The following VAPB variants were observed in gnomAD, a reference collection of about 807,000 sequenced individuals.
VAPB encodes vesicle-associated membrane protein-associated protein B/C.
In VAPB, 7 loss-of-function variants were observed where a neutral mutation model predicts 25.6. The ratio of observed to expected loss-of-function variants is 0.27; its 90% CI spans 0.16 to 0.51. The LOEUF (loss-of-function observed/expected upper bound fraction) is 0.51, where lower values mean the gene tolerates loss of function less well. Ranked by LOEUF, VAPB falls within the 20% of genes least tolerant of loss-of-function variation. VAPB has a pLI of 0.97. For synonymous variants in VAPB, 112 were observed against 109.2 expected (o/e 1.03, Z -0.16); for missense variants, 266 against 301.3 (o/e 0.88, Z 0.87).
At chr20:58,408,165 C>CCT (rs2123039771) in intron 1 of VAPB, among the ~76,000 whole-genome samples, 1 of 152,120 alleles carries the variant, frequency 6.6e-6, no homozygotes, top group East Asian at 1.9e-4. Context: ...TTCTGGTGTG[C>CCT]CTTTGATGGC....
intron 1 of VAPB, among the ~76,000 whole-genome samples, chr20:58,395,339 A>G (rs543718376): frequency 6.6e-6 from 1 of 152,122 alleles, no homozygotes; most frequent in Admixed American, 6.5e-5. Flanking sequence ...TTTAATAGAG[A>G]CGGGGTTTCA....
chr20:58,416,363 C>T (rs1040952678), intron 1 of VAPB, among the ~76,000 whole-genome samples: 1 of 77,980 alleles, frequency 1.3e-5, no homozygotes, highest in Non-Finnish European at 2.8e-5. Flanking sequence ...AAGAAGAGGT[C>T]AGTGTAAGGA....
At chr20:58,421,251 C>G (rs1988660909) in intron 2 of VAPB, among the ~76,000 whole-genome samples, 1 of 152,146 alleles carries the variant, frequency 6.6e-6, no homozygotes. Flanking sequence ...ACAAATACTG[C>G]AGAATCAACA....
chr20:58,413,239 C>T (rs1988424892), intron 1 of VAPB, among the ~76,000 whole-genome samples: 1 of 148,968 alleles, frequency 6.7e-6, no homozygotes, highest in African/African-American at 2.5e-5. Context: ...GAGGGAAGGT[C>T]AGCAGATAAA....
chr20:58,449,526 A>G lies in VAPB; in HGVS notation c.*5291A>G, dbSNP rs1343149259. ...AAGGAAGAAAAGTGTAGCAACAAAAATGTAGCCATTATCTAACTTGCCATA... is the reference window on the plus strand; with the variant it reads ...AAGGAAGAAAAGTGTAGCAACAAAAGTGTAGCCATTATCTAACTTGCCATA... On this transcript the variant is annotated 3_prime_UTR_variant, in exon 6 of 6. Transcript: ENST00000475243. The G allele has an allele frequency of 4.4e-6, 2 of 453,988 alleles. No individual in the cohort carries two copies. Among genetic ancestry groups the G allele is most frequent in the Admixed American group, 2.3e-5 (1 of 42,554 alleles). The allele number at this position is 453,988 out of a possible 1,614,324, so 28.1% of individuals were successfully genotyped here. A position where few individuals can be genotyped will look rare whatever the true frequency, so the allele number is the denominator to read the frequency against.
chr20:58,441,629 T>A (rs577939663), intron 5 of VAPB, among the ~76,000 whole-genome samples: 1 of 152,164 alleles, frequency 6.6e-6, no homozygotes. Flanking sequence ...GTGACAGAGC[T>A]AGACTTCGTC....
chr20:58,447,835 C>T lies in VAPB; in HGVS notation c.*3600C>T, dbSNP rs1395686355. ...TCAGCTCCTTCTCTAAAGGAATGGCCCATTTCTCATTGTAGTTTGAGAAAT... is the reference window on the plus strand; with the variant it reads ...TCAGCTCCTTCTCTAAAGGAATGGCTCATTTCTCATTGTAGTTTGAGAAAT... On this transcript the variant is annotated 3_prime_UTR_variant, in exon 6 of 6. Transcript: ENST00000475243. The T allele has an allele frequency of 8.8e-6, 4 of 453,950 alleles. No individual in the cohort carries two copies. The highest frequency in any genetic ancestry group is 6.9e-4 in the Middle Eastern group (1 of 1,444). The allele number at this position is 453,950 out of a possible 1,614,324, so 28.1% of individuals were successfully genotyped here.
At chr20:58,433,923 G>C (rs1988982597) in intron 2 of VAPB, among the ~76,000 whole-genome samples, 1 of 152,130 alleles carries the variant, frequency 6.6e-6, no homozygotes. Context: ...TGTACTCTAG[G>C]AAGTAGGCTG....
At position 58,446,555 on chromosome 20, in the gene VAPB, T is replaced by A. The variant is rs181028077; in HGVS notation, c.*2320T>A. ...TTCTTAAAAAGAATATCTGAGAAAC[T>A]ACTCTGTTTTAGACCTTTGAAGGTG... is the stretch of plus-strand genomic sequence containing the variant. On this transcript the variant is annotated 3_prime_UTR_variant, in exon 6 of 6. Transcript: ENST00000475243. The A allele has an allele frequency of 6.5e-4, 294 of 454,086 alleles. No individual in the cohort carries two copies. Among genetic ancestry groups the A allele is most frequent in the African/African-American group, 4.9e-3 (246 of 50,132 alleles). The allele number at this position is 454,086 out of a possible 1,614,324, so 28.1% of individuals were successfully genotyped here.
chr20:58,430,890 T>C (rs1443750688), intron 2 of VAPB: 1 of 152,252 alleles, frequency 6.6e-6, no homozygotes, highest in East Asian at 1.9e-4. Context: ...ATTTCTTTAG[T>C]GTCTGTTTCA....
Position 58,445,089 on chromosome 20 carries a change from G to T in VAPB, c.*854G>T. 1 of 454,666 alleles carries T rather than the reference G, an allele frequency of 2.2e-6. No homozygotes were observed. The highest frequency in any genetic ancestry group is 1.6e-5 in the South Asian group (1 of 64,476). 28.2% of individuals were successfully genotyped at this position (454,666 alleles called of 1,614,324 possible). A position where few individuals can be genotyped will look rare whatever the true frequency, so the allele number is the denominator to read the frequency against. On this transcript the variant is annotated 3_prime_UTR_variant, in exon 6 of 6. Transcript: ENST00000475243. ...CTCTGTCTCTGGAGAGTCTGGTCAT[G>T]TGGAGGTGGGGTTTATTGGGATGCT...
rs1989390982 is a variant in VAPB, at chr20:58,449,752, G to A, written c.*5517G>A. 2.2e-6 allele frequency: 1 copy of A among 454,114 alleles called. No homozygotes were observed. Among genetic ancestry groups the A allele is most frequent in the Non-Finnish European group, 4.4e-6 (1 of 226,786 alleles). The allele number at this position is 454,114 out of a possible 1,614,324, so 28.1% of individuals were successfully genotyped here. On this transcript the variant is annotated 3_prime_UTR_variant, in exon 6 of 6. Coordinates refer to ENST00000475243, the MANE Select transcript of VAPB (RefSeq NM_004738.5). ...GCTTTATTACACCCCAGGGCTGATG[G>A]AGATGTAATCACTTGGCTAATGGAT...
At chr20:58,436,548 A>G (rs1229116283) in intron 3 of VAPB, among the ~76,000 whole-genome samples, 1 of 151,988 alleles carries the variant, frequency 6.6e-6, no homozygotes, top group Non-Finnish European at 1.5e-5. Context: ...GCTGGTCTCA[A>G]ACTCCTGGAC....
intron 2 of VAPB, among the ~76,000 whole-genome samples, chr20:58,427,306 T>A: frequency 6.8e-6 from 1 of 146,956 alleles, no homozygotes. Flanking sequence ...TGATCTGTGA[T>A]CTGTTACCAT....
At position 58,450,945 on chromosome 20, in the gene VAPB, G is replaced by A; in HGVS notation, c.*6710G>A. The A allele has an allele frequency of 4.4e-6, 2 of 454,078 alleles. No individual in the cohort carries two copies. Among genetic ancestry groups the A allele is most frequent in the South Asian group, 3.1e-5 (2 of 64,466 alleles). 28.1% of individuals were successfully genotyped at this position (454,078 alleles called of 1,614,324 possible). A position where few individuals can be genotyped will look rare whatever the true frequency, so the allele number is the denominator to read the frequency against. On this transcript the variant is annotated 3_prime_UTR_variant, in exon 6 of 6. Transcript: ENST00000475243. ...TGATGTTTCCCAGAGAGAAGGAGAT[G>A]TATTTCTGCAGGGTCCAGACCAAAA...
intron 1 of VAPB, among the ~76,000 whole-genome samples, chr20:58,417,971 A>G (rs1423171306): frequency 6.6e-6 from 1 of 152,180 alleles, no homozygotes; most frequent in East Asian, 1.9e-4. Flanking sequence ...TGAGGTTTCA[A>G]TGAGATGCCA....
chr20:58,408,051 T>C (rs1002533939), intron 1 of VAPB, among the ~76,000 whole-genome samples: 50 of 152,196 alleles, frequency 3.3e-4, no homozygotes, highest in African/African-American at 1.2e-3. Context: ...ATGGAGGTGG[T>C]GGCAGGCTGA....
At chr20:58,419,152 C>G (rs1468915051) in intron 2 of VAPB, among the ~76,000 whole-genome samples, 1 of 152,172 alleles carries the variant, frequency 6.6e-6, no homozygotes, top group Non-Finnish European at 1.5e-5. Flanking sequence ...CTCAGTGTCA[C>G]AGAGGCTTCT....
At chr20:58,427,169 C>T (rs531608172) in intron 2 of VAPB, among the ~76,000 whole-genome samples, 12 of 148,656 alleles carry the variant, frequency 8.1e-5, no homozygotes, top group East Asian at 4.0e-4. Flanking sequence ...ATGATGCAGA[C>T]GAAAGTGATC....
Sources: gnomAD v4.1 joint callset for allele counts (sites outside exome capture counted in the v4.1 genomes callset) on GRCh38, gnomAD v4.1.1 for gene constraint, MANE v1.5 for transcripts, NCBI Gene and HGNC (gene_info 2026-07-23, HGNC 2026-07-21) for gene names.